NF1: variants seen among roughly 807,000 people sequenced by gnomAD.
NF1 encodes neurofibromin.
Under a neutral mutation model 325.7 loss-of-function variants are expected in NF1, and 122 were observed. The observed-to-expected ratio is 0.37, with a 90% CI of 0.32 to 0.44. NF1 has a LOEUF of 0.44. Ranked by LOEUF, NF1 falls within the 20% of genes least tolerant of loss-of-function variation. The pLI is 1.00. For missense variants in NF1, 2,140 were observed against 3,415.4 expected, an observed-to-expected ratio of 0.63 and a Z score of 9.31; for synonymous variants, 1,091 against 1,186.0, an observed-to-expected ratio of 0.92 and a Z score of 1.65.
At chr17:31,148,394 CTTT>C (rs71142023) in intron 1 of NF1, among the ~76,000 whole-genome samples, 1 of 134,416 alleles carries the variant, frequency 7.4e-6, no homozygotes, top group Non-Finnish European at 1.6e-5. Context: ...GTCATTATGT[CTTT>C]TTTTTTTTTT....
chr17:31,323,892 T>C (rs1005761002), intron 36 of NF1, among the ~76,000 whole-genome samples: 2 of 152,196 alleles, frequency 1.3e-5, no homozygotes, highest in African/African-American at 4.8e-5. Context: ...CTTTGATAAG[T>C]GATTACTTTC....
intron 51 of NF1, 143 bp downstream of exon 51, chr17:31,352,557 GT>G (rs2151577747): frequency 1.4e-6 from 1 of 696,844 alleles, no homozygotes; most frequent in Admixed American, 3.1e-5. Context: ...TTAAAAGAGA[GT>G]TTGATAGATC....
chr17:31,202,549 G>T (rs1158975004), intron 11 of NF1, among the ~76,000 whole-genome samples: 1 of 152,106 alleles, frequency 6.6e-6, no homozygotes, highest in Non-Finnish European at 1.5e-5. Flanking sequence ...ACAGTCCTTT[G>T]TTGTGCAGGA....
At chr17:31,250,375 CA>C in intron 30 of NF1, 1 of 216,834 alleles carries the variant, frequency 4.6e-6, no homozygotes, top group East Asian at 7.1e-5. Flanking sequence ...TGAAACTAGG[CA>C]GACAGGAAAT....
At chr17:31,282,381 CAA>C (rs35267324) in intron 36 of NF1, among the ~76,000 whole-genome samples, 284 of 98,990 alleles carry the variant, frequency 2.9e-3, no homozygotes, top group Middle Eastern at 7.6e-3. Context: ...GATTCCATCT[CAA>C]AAAAAAAAAA....
chr17:31,101,235 T>C lies in NF1; in HGVS notation c.60+5866T>C, dbSNP rs572586492. On this transcript the variant is annotated intron_variant, in intron 1 of 57. Coordinates refer to ENST00000358273, the MANE Select transcript of NF1 (RefSeq NM_001042492.3). ...TTGCTTAGTTGTAATGCCACTGTGA[T>C]GTTCCACTCCCCCCGGAAACCAATC... is the stretch of plus-strand genomic sequence containing the variant. 2.0e-5 allele frequency among the ~76,000 whole-genome samples: 3 copies of C among 152,248 alleles called. No individual in the cohort carries two copies. In the East Asian group the frequency reaches 5.8e-4, roughly 29 times the overall value.
At chr17:31,350,041 A>C in intron 49 of NF1, 142 bp from the exon 50 acceptor site, 1 of 828,022 alleles carries the variant, frequency 1.2e-6, no homozygotes, top group East Asian at 2.5e-5. Flanking sequence ...CTCTCTGTAT[A>C]TTTCACATTT....
intron 36 of NF1, chr17:31,317,702 G>A (rs2069060908): frequency 6.6e-6 from 1 of 152,104 alleles, no homozygotes; most frequent in Admixed American, 6.6e-5. Context: ...TTATACAAAA[G>A]TAAAGGTTTT....
At chr17:31,290,943 A>G (rs1480605648) in intron 36 of NF1, among the ~76,000 whole-genome samples, 1 of 149,990 alleles carries the variant, frequency 6.7e-6, no homozygotes, top group Non-Finnish European at 1.5e-5. Flanking sequence ...GAGGTGGAGG[A>G]TGCAGTGAGC....
At position 31,313,719 on chromosome 17, in the gene NF1, A is replaced by AT. The variant is rs1555625966; in HGVS notation, c.4836-12101_4836-12100insT. On this transcript the variant is annotated intron_variant, in intron 36 of 57. Transcript: ENST00000358273. ...AGACTCTATCTCAAAAAAAAAAAAA[A>AT]ATATGTGTGTGTGTGTGTGTGTGTG... Among the ~76,000 whole-genome samples, 12 of 103,308 alleles carry AT rather than the reference A, an allele frequency of 1.2e-4. No individual in the cohort carries two copies. In the East Asian group the frequency reaches 2.4e-3, roughly 20 times the overall value. 67.8% of individuals were successfully genotyped at this position (103,308 alleles called of 152,430 possible).
chr17:31,197,274 C>G (rs2066450760), intron 8 of NF1, among the ~76,000 whole-genome samples: 1 of 150,812 alleles, frequency 6.6e-6, no homozygotes, highest in South Asian at 2.1e-4. Context: ...TCTCCATCTC[C>G]TGACCTCGTG....
At chr17:31,268,987 T>G (rs2067841766) in intron 36 of NF1, among the ~76,000 whole-genome samples, 1 of 152,138 alleles carries the variant, frequency 6.6e-6, no homozygotes, top group African/African-American at 2.4e-5. Context: ...ATTACAGATG[T>G]GAGCCACCAC....
chr17:31,113,026 C>G (rs1445786883), intron 1 of NF1, among the ~76,000 whole-genome samples: 1 of 152,102 alleles, frequency 6.6e-6, no homozygotes, highest in East Asian at 1.9e-4. Context: ...AGTCCTCCAG[C>G]TTTCTTGTTT....
chr17:31,349,501 C>G (rs916130257), intron 49 of NF1, among the ~76,000 whole-genome samples: 4 of 152,170 alleles, frequency 2.6e-5, no homozygotes, highest in African/African-American at 7.2e-5. Context: ...TACAGTGGCT[C>G]TCTGTTATCT....
chr17:31,293,841 G>A lies in NF1; in HGVS notation c.4835+28502G>A, dbSNP rs533097434. ...TCAGGACTTCTTTTGCTGCCTTGTG[G>A]CTGTTTCTTATGTTTGTCACTAATT... is the stretch of plus-strand genomic sequence containing the variant. On this transcript the variant is annotated intron_variant, in intron 36 of 57. Transcript: ENST00000358273. Among the ~76,000 whole-genome samples, 30 of 152,262 alleles carry A rather than the reference G, an allele frequency of 2.0e-4. No individual in the cohort carries two copies. In the South Asian group the frequency reaches 2.5e-3, roughly 13 times the overall value.
At chr17:31,244,884 CCAT>C (rs1159382242) in intron 29 of NF1, among the ~76,000 whole-genome samples, 1 of 152,188 alleles carries the variant, frequency 6.6e-6, no homozygotes. Context: ...CTCCATTCAG[CCAT>C]CTTGCTCCAC....
intron 8 of NF1, among the ~76,000 whole-genome samples, chr17:31,197,247 C>CA (rs1267118336): frequency 5.3e-5 from 8 of 151,336 alleles, no homozygotes; most frequent in African/African-American, 1.9e-4. Context: ...GGGGTTTCAC[C>CA]ATGTTAGCCA....
chr17:31,232,934 T>C lies in NF1; in HGVS notation c.3496+53T>C, dbSNP rs1555614994. The C allele has an allele frequency of 6.2e-7, 1 of 1,613,654 alleles. No homozygotes were observed. The highest frequency in any genetic ancestry group is 1.7e-5 in the Admixed American group (1 of 60,016). On this transcript the variant is annotated intron_variant, in intron 26 of 57. Transcript: ENST00000358273. Reference sequence around the variant, plus strand: ...AAATACAAAACCTAGAGAACTGGCATGTAAGAGAAGCAAAAATTACTTCAG... The same window carrying C: ...AAATACAAAACCTAGAGAACTGGCACGTAAGAGAAGCAAAAATTACTTCAG...
chr17:31,258,029 T>C (rs767745913), intron 31 of NF1, among the ~76,000 whole-genome samples: 1 of 152,154 alleles, frequency 6.6e-6, no homozygotes, highest in Non-Finnish European at 1.5e-5. Context: ...TTGGTCTGCT[T>C]TCATTACTCA....
Sources: allele counts gnomAD v4.1 joint callset (sites outside exome capture counted in the v4.1 genomes callset), GRCh38; gene constraint gnomAD v4.1.1; transcripts MANE v1.5; gene names NCBI Gene and HGNC (gene_info 2026-07-23, HGNC 2026-07-21).